ZFYVE28: variants seen among roughly 807,000 people sequenced by gnomAD.
The protein encoded by ZFYVE28 is lateral signaling target protein 2 homolog.
Under a neutral mutation model 82.1 loss-of-function variants are expected in ZFYVE28, and 40 were observed. That is an observed-to-expected ratio of 0.49 (90% CI 0.38 to 0.63). The LOEUF is 0.63. Among genes scored for constraint, ZFYVE28 ranks in the 30% least tolerant of loss-of-function variants. The pLI, the probability that ZFYVE28 is intolerant of heterozygous loss-of-function variation, is 0.00. For synonymous variants in ZFYVE28, 612 were observed against 546.1 expected (o/e 1.12, Z -1.68); for missense variants, 1,321 against 1,242.1 (o/e 1.06, Z -0.96).
chr4:2,358,951 G>A (rs1330086175), intron 1 of ZFYVE28, among the ~76,000 whole-genome samples: 1 of 150,524 alleles, frequency 6.6e-6, no homozygotes, highest in Non-Finnish European at 1.5e-5. Flanking sequence ...ACAGGTGGGT[G>A]CCACTATGGC....
chr4:2,294,761 G>T (rs1714274095), intron 8 of ZFYVE28, among the ~76,000 whole-genome samples: 1 of 152,232 alleles, frequency 6.6e-6, no homozygotes. Flanking sequence ...CCAAGTGAAA[G>T]AAACAGCAAA....
rs755853078 is a variant in ZFYVE28 at position 2,274,160 on chromosome 4, G to C, written c.2108C>G (p.Ala703Gly). 5 of 1,613,488 alleles carry C rather than the reference G, an allele frequency of 3.1e-6. No individual in the cohort carries two copies. Among genetic ancestry groups the C allele is most frequent in the Non-Finnish European group, 3.4e-6 (4 of 1,179,964 alleles). Residue 703 changes from alanine (A) to glycine (G), a missense_variant, in exon 9 of 13, where the codon GCA becomes GGA. Transcript: ENST00000290974. ...SDKMGPEAAP[A>G]ATHAAPQATR... ...GGCCTGTGGGGCAGCATGCGTGGCT[G>C]CTGGGGCCGCCTCTGGCCCCATCTT...
chr4:2,369,842 T>TATTTTATTTTATTTATTC (rs1250186027), intron 1 of ZFYVE28, among the ~76,000 whole-genome samples: 1 of 139,008 alleles, frequency 7.2e-6, no homozygotes, highest in Admixed American at 7.4e-5. Flanking sequence ...GATTTTTTTT[T>TATTTTATTTTATTTATTC]TTCTTTTCTT....
chr4:2,379,831 A>T (rs886217243), intron 1 of ZFYVE28, among the ~76,000 whole-genome samples: 4 of 152,062 alleles, frequency 2.6e-5, no homozygotes, highest in African/African-American at 7.2e-5. Flanking sequence ...TCTGTCACCC[A>T]GGCTGGAGTG....
chr4:2,402,837 C>G (rs1009292974), intron 1 of ZFYVE28, among the ~76,000 whole-genome samples: 2 of 152,194 alleles, frequency 1.3e-5, no homozygotes, highest in African/African-American at 2.4e-5. Flanking sequence ...AAAACCAGGG[C>G]AGCACTGACC....
chr4:2,308,267 A>G (rs138489579), intron 7 of ZFYVE28, among the ~76,000 whole-genome samples: 1,925 of 152,168 alleles, frequency 0.013, 22 homozygotes, highest in Non-Finnish European at 0.02. Context: ...TTATAGGCAT[A>G]AGCCACTGTG....
At chr4:2,275,318 A>T (rs1736317498) in intron 8 of ZFYVE28, among the ~76,000 whole-genome samples, 1 of 152,050 alleles carries the variant, frequency 6.6e-6, no homozygotes, top group Admixed American at 6.5e-5. Context: ...ACCTCGCCCA[A>T]CTCTAGGGGT....
At chr4:2,279,736 A>C (rs553755189) in intron 8 of ZFYVE28, among the ~76,000 whole-genome samples, 2 of 151,540 alleles carry the variant, frequency 1.3e-5, no homozygotes, top group Non-Finnish European at 2.9e-5. Flanking sequence ...AGCCGAGATC[A>C]TGCCACTGCA....
intron 7 of ZFYVE28, among the ~76,000 whole-genome samples, chr4:2,308,703 AAAAAAGAAAAGAAAAG>A (rs1265403133): frequency 2.4e-5 from 3 of 125,222 alleles, no homozygotes; most frequent in African/African-American, 1.2e-4. Context: ...AAAAGAAAAG[AAAAAAGAAAAGAAAAG>A]AAAGAAAAAA....
At chr4:2,405,426 G>A (rs569837522) in intron 1 of ZFYVE28, among the ~76,000 whole-genome samples, 21 of 152,362 alleles carry the variant, frequency 1.4e-4, no homozygotes, top group African/African-American at 4.8e-4. Flanking sequence ...CGCTGTGGGA[G>A]GCTGCAGATC....
At chr4:2,308,623 AAGAC>A (rs1224983484) in intron 7 of ZFYVE28, among the ~76,000 whole-genome samples, 25 of 98,752 alleles carry the variant, frequency 2.5e-4, no homozygotes, top group Non-Finnish European at 4.1e-4. Context: ...AGAAAGAAAG[AAGAC>A]AGAAAGAAAG....
intron 1 of ZFYVE28, among the ~76,000 whole-genome samples, chr4:2,354,308 C>T (rs1448232605): frequency 6.6e-6 from 1 of 152,178 alleles, no homozygotes; most frequent in East Asian, 1.9e-4. Flanking sequence ...CTGCATTTCA[C>T]CCCAGGACTG....
At chr4:2,375,415 C>T (rs1311493097) in intron 1 of ZFYVE28, among the ~76,000 whole-genome samples, 2 of 152,238 alleles carry the variant, frequency 1.3e-5, no homozygotes, top group Non-Finnish European at 2.9e-5. Flanking sequence ...GGGCTCTTCC[C>T]CCTGCTGGAC....
chr4:2,327,911 T>G (rs1336112957), intron 6 of ZFYVE28, among the ~76,000 whole-genome samples: 1 of 152,208 alleles, frequency 6.6e-6, no homozygotes. Context: ...GAAAGATAAG[T>G]GTTACCAAGG....
At chr4:2,271,052 G>C in intron 12 of ZFYVE28, 196 bp from the exon 13 acceptor site, 1 of 827,572 alleles carries the variant, frequency 1.2e-6, no homozygotes, top group Non-Finnish European at 1.9e-6. Context: ...CAAGGCTGCT[G>C]CAGGCTCCTG....
chr4:2,411,750 C>G (rs191179495), intron 1 of ZFYVE28, among the ~76,000 whole-genome samples: 1 of 152,338 alleles, frequency 6.6e-6, no homozygotes, highest in Admixed American at 6.5e-5. Context: ...AAATGACCCT[C>G]ACACCTCAGT....
intron 1 of ZFYVE28, among the ~76,000 whole-genome samples, chr4:2,405,915 G>A (rs918206157): frequency 6.6e-6 from 1 of 152,010 alleles, no homozygotes; most frequent in Non-Finnish European, 1.5e-5. Context: ...TGGGCATGGT[G>A]GCAGGCGCCT....
At chr4:2,304,161 A>C in intron 8 of ZFYVE28, 128 bp downstream of exon 8, 9 of 1,218,882 alleles carry the variant, frequency 7.4e-6, no homozygotes, top group Non-Finnish European at 1.0e-5. Context: ...ACACTCGGCC[A>C]GGGCCCAGCA....
chr4:2,345,348 G>A (rs1723383767), intron 2 of ZFYVE28, among the ~76,000 whole-genome samples: 1 of 152,072 alleles, frequency 6.6e-6, no homozygotes, highest in South Asian at 2.1e-4. Flanking sequence ...ATTCCCATGT[G>A]TTCAAAAAGT....
Sources: allele counts gnomAD v4.1 joint callset (sites outside exome capture counted in the v4.1 genomes callset), GRCh38; gene constraint gnomAD v4.1.1; transcripts MANE v1.5; gene names NCBI Gene and HGNC (gene_info 2026-07-23, HGNC 2026-07-21).